The following LYPLAL1 variants were observed in gnomAD, a reference collection of about 807,000 sequenced individuals.
LYPLAL1 encodes lysophospholipase like 1.
Under a neutral mutation model 19.7 loss-of-function variants are expected in LYPLAL1, and 23 were observed. The ratio of observed to expected loss-of-function variants is 1.17; its 90% confidence interval spans 0.84 to 1.65. The LOEUF (loss-of-function observed/expected upper bound fraction) is 1.65. Among genes scored for constraint, LYPLAL1 ranks in the 40% most tolerant of loss-of-function variants. The pLI, the probability that LYPLAL1 is intolerant of heterozygous loss-of-function variation, is 0.00. For synonymous variants in LYPLAL1, 119 were observed against 96.3 expected, an observed-to-expected ratio of 1.24 and a Z score of -1.38; for missense variants, 355 against 279.4, an observed-to-expected ratio of 1.27 and a Z score of -1.93.
chr1:219,337,844 CT>C, the LYPLAL1 span, among the ~76,000 whole-genome samples: 1 of 151,974 alleles, frequency 6.6e-6, no homozygotes, highest in African/African-American at 2.4e-5. Flanking sequence ...ATCTAAAATA[CT>C]TATTAACTCA....
chr1:219,337,288 T>C, the LYPLAL1 span, among the ~76,000 whole-genome samples: 2 of 152,026 alleles, frequency 1.3e-5, no homozygotes, highest in Admixed American at 1.3e-4. Context: ...AGACATCTTT[T>C]GGAGGGCTAT....
chr1:219,269,357 A>G, the LYPLAL1 span, among the ~76,000 whole-genome samples: 1 of 152,244 alleles, frequency 6.6e-6, no homozygotes, highest in East Asian at 1.9e-4. Flanking sequence ...AAGGCATGCC[A>G]AAAGGAAAAA....
the LYPLAL1 span, among the ~76,000 whole-genome samples, chr1:219,250,577 T>G: frequency 1.3e-5 from 2 of 150,628 alleles, no homozygotes; most frequent in Non-Finnish European, 3.0e-5. Flanking sequence ...CTTCATGTGT[T>G]AGTTTGTTAA....
At chr1:219,276,480 C>T in the LYPLAL1 span, among the ~76,000 whole-genome samples, 1 of 152,120 alleles carries the variant, frequency 6.6e-6, no homozygotes, top group Admixed American at 6.5e-5. Flanking sequence ...TTGTCTAAGA[C>T]ATAGAATTGA....
chr1:219,229,154 A>T, the LYPLAL1 span, among the ~76,000 whole-genome samples: 2 of 151,898 alleles, frequency 1.3e-5, no homozygotes, highest in Non-Finnish European at 2.9e-5. Flanking sequence ...AAGTAAAAGG[A>T]GAGGTATGTA....
intron 3 of LYPLAL1, among the ~76,000 whole-genome samples, chr1:219,202,984 C>A (rs1227025735): frequency 6.6e-6 from 1 of 152,074 alleles, no homozygotes; most frequent in Non-Finnish European, 1.5e-5. Context: ...CCATGTCTGG[C>A]CCAGGCTAGG....
the LYPLAL1 span, among the ~76,000 whole-genome samples, chr1:219,280,517 A>AT: frequency 7.2e-5 from 11 of 152,098 alleles, no homozygotes; most frequent in African/African-American, 2.7e-4. Flanking sequence ...ATAATGTCTA[A>AT]TTTTTTCACA....
intron 2 of LYPLAL1, among the ~76,000 whole-genome samples, chr1:219,187,034 T>G (rs542806911): frequency 6.2e-4 from 94 of 151,180 alleles, no homozygotes; most frequent in Non-Finnish European, 1.0e-3. Flanking sequence ...AGTTCTTTGT[T>G]GTTTTTTTTT....
chr1:219,332,612 G>T, the LYPLAL1 span, among the ~76,000 whole-genome samples: 2 of 152,148 alleles, frequency 1.3e-5, no homozygotes, highest in East Asian at 3.9e-4. Flanking sequence ...TTGCCATTTT[G>T]AGTCATTGTT....
At chr1:219,179,433 A>T in intron 2 of LYPLAL1, 187 bp downstream of exon 2, 1 of 539,580 alleles carries the variant, frequency 1.9e-6, no homozygotes, top group Non-Finnish European at 3.3e-6. Flanking sequence ...CCAGGTGAGT[A>T]ATTTATTCCC....
At chr1:219,373,448 G>T in the LYPLAL1 span, among the ~76,000 whole-genome samples, 1 of 152,102 alleles carries the variant, frequency 6.6e-6, no homozygotes, top group Non-Finnish European at 1.5e-5. Flanking sequence ...GTCTCAAAAG[G>T]GGTGTCTTGG....
At chr1:219,413,180 A>C in the LYPLAL1 span, among the ~76,000 whole-genome samples, 2 of 152,132 alleles carry the variant, frequency 1.3e-5, no homozygotes, top group African/African-American at 2.4e-5. Flanking sequence ...GGAAGCACCC[A>C]TGGGAATAAT....
chr1:219,299,719 A>G, the LYPLAL1 span, among the ~76,000 whole-genome samples: 1 of 152,218 alleles, frequency 6.6e-6, no homozygotes, highest in Non-Finnish European at 1.5e-5. Flanking sequence ...ATGGGAAAAC[A>G]TGAAGACTGG....
At chr1:219,444,408 C>T in the LYPLAL1 span, among the ~76,000 whole-genome samples, 1 of 152,136 alleles carries the variant, frequency 6.6e-6, no homozygotes, top group Non-Finnish European at 1.5e-5. Context: ...CAGTCCTTCC[C>T]CAACCATCAA....
At chr1:219,236,942 TC>T in the LYPLAL1 span, among the ~76,000 whole-genome samples, 1 of 152,032 alleles carries the variant, frequency 6.6e-6, no homozygotes, top group Non-Finnish European at 1.5e-5. Context: ...TGTGTGTTGT[TC>T]CCCTCCCTGT....
chr1:219,396,459 A>G, the LYPLAL1 span, among the ~76,000 whole-genome samples: 1 of 152,204 alleles, frequency 6.6e-6, no homozygotes, highest in Non-Finnish European at 1.5e-5. Flanking sequence ...AGGTTTTTCT[A>G]GTTCTATGAA....
chr1:219,235,977 G>T, the LYPLAL1 span, among the ~76,000 whole-genome samples: 913 of 152,220 alleles, frequency 6.0e-3, 11 homozygotes, highest in Non-Finnish European at 9.7e-3. Flanking sequence ...TTCTATCAAA[G>T]AAATTAGTCC....
the LYPLAL1 span, among the ~76,000 whole-genome samples, chr1:219,350,798 C>T: frequency 6.6e-6 from 1 of 152,186 alleles, no homozygotes; most frequent in Admixed American, 6.5e-5. Flanking sequence ...GAACTCTGTA[C>T]TTTTGTCAAA....
the LYPLAL1 span, among the ~76,000 whole-genome samples, chr1:219,363,097 T>G: frequency 3.3e-5 from 5 of 152,164 alleles, no homozygotes; most frequent in African/African-American, 1.2e-4. Flanking sequence ...CAAACAAGCC[T>G]ACCTATGTAA....
Sources: allele counts gnomAD v4.1 joint callset (sites outside exome capture counted in the v4.1 genomes callset), GRCh38; gene constraint gnomAD v4.1.1; transcripts MANE v1.5; gene names NCBI Gene and HGNC (gene_info 2026-07-23, HGNC 2026-07-21).